Variants in GPR158 observed in about 807,000 individuals in gnomAD.
GPR158 encodes the protein G protein-coupled receptor 158, also known as metabotropic glycine receptor.
A neutral mutation model predicts 78.2 loss-of-function variants in GPR158; 30 were observed. The observed-to-expected ratio is 0.38, with a 90% CI of 0.29 to 0.52. The LOEUF is 0.52. Ranked by LOEUF, GPR158 falls within the 20% of genes least tolerant of loss-of-function variation. The pLI is 0.83. For synonymous variants in GPR158, 581 were observed against 591.1 expected, an observed-to-expected ratio of 0.98 and a Z score of 0.25; for missense variants, 1,463 against 1,523.5, an observed-to-expected ratio of 0.96 and a Z score of 0.66.
intron 4 of GPR158, among the ~76,000 whole-genome samples, chr10:25,444,037 A>G (rs11014562): frequency 0.11 from 16,891 of 152,002 alleles, 1,005 homozygotes; most frequent in Non-Finnish European, 0.12. Context: ...TGTGCTTTGT[A>G]AATGGCATCC....
rs1372693517 is a variant in GPR158, at chr10:25,395,781, A to T, written c.1009-130A>T. ...TGGCACAACAAAACTGAAAAGTTCA[A>T]AAAAGAGCTATTTTATTTCTGGAAA... On this transcript the variant is annotated intron_variant, in intron 2 of 10. Transcript: ENST00000376351. 8 of 521,270 alleles carry T rather than the reference A, an allele frequency of 1.5e-5. No homozygotes were observed. In the African/African-American group the frequency reaches 1.6e-4, roughly 10 times the overall value. 32.3% of individuals were successfully genotyped at this position (521,270 alleles called of 1,614,324 possible). A position where few individuals can be genotyped will look rare whatever the true frequency, so the allele number is the denominator to read the frequency against.
At chr10:25,332,773 T>C (rs962130416) in intron 2 of GPR158, among the ~76,000 whole-genome samples, 4 of 152,222 alleles carry the variant, frequency 2.6e-5, no homozygotes, top group African/African-American at 9.6e-5. Flanking sequence ...TTAGGATCTC[T>C]CGTTATAACT....
intron 2 of GPR158, among the ~76,000 whole-genome samples, chr10:25,235,147 T>G (rs1221608182): frequency 2.0e-5 from 3 of 152,214 alleles, no homozygotes; most frequent in Admixed American, 1.3e-4. Flanking sequence ...AATGAAATCC[T>G]ACATCTTTTC....
At chr10:25,214,544 T>C (rs2130674185) in intron 1 of GPR158, among the ~76,000 whole-genome samples, 1 of 152,226 alleles carries the variant, frequency 6.6e-6, no homozygotes, top group Non-Finnish European at 1.5e-5. Context: ...TTTCCACTAA[T>C]GTCCCTTTTT....
intron 2 of GPR158, among the ~76,000 whole-genome samples, chr10:25,253,762 G>C (rs1853849155): frequency 6.6e-6 from 1 of 152,072 alleles, no homozygotes; most frequent in Non-Finnish European, 1.5e-5. Flanking sequence ...AATGGTTCAT[G>C]ACTTGTTGAT....
chr10:25,370,682 G>C (rs1258968748), intron 2 of GPR158, among the ~76,000 whole-genome samples: 1 of 150,316 alleles, frequency 6.7e-6, no homozygotes, highest in South Asian at 2.1e-4. Context: ...TGTCTATTAG[G>C]TCCGCTTGAT....
Position 25,601,978 on chromosome 10 carries a change from C to T in GPR158, c.*2704C>T, listed in dbSNP as rs899396370. 2 of 152,506 alleles carry T rather than the reference C, an allele frequency of 1.3e-5. No homozygotes were observed. The highest frequency in any genetic ancestry group is 2.9e-5 in the Non-Finnish European group (2 of 68,016). The allele number at this position is 152,506 out of a possible 1,614,324, so 9.4% of individuals were successfully genotyped here. A position where few individuals can be genotyped will look rare whatever the true frequency, so the allele number is the denominator to read the frequency against. ...CTCGACAGTTCTCTTGTATTTGCTT[C>T]CTAGGTTTCTGCATGCAAGTTATGA... On this transcript the variant is annotated 3_prime_UTR_variant, in exon 11 of 11. Coordinates refer to ENST00000376351, the MANE Select transcript of GPR158 (RefSeq NM_020752.3).
intron 9 of GPR158, 117 bp from the exon 10 acceptor site, chr10:25,596,526 G>C: frequency 1.5e-6 from 1 of 668,620 alleles, no homozygotes; most frequent in East Asian, 2.9e-5. Context: ...TAGATAGATA[G>C]ATAGATCTAG....
chr10:25,281,093 C>T (rs1426926241), intron 2 of GPR158, among the ~76,000 whole-genome samples: 2 of 150,366 alleles, frequency 1.3e-5, no homozygotes, highest in African/African-American at 4.9e-5. Flanking sequence ...CAAGATTACA[C>T]CACTATACTC....
At chr10:25,384,558 C>CTA (rs1478228233) in intron 2 of GPR158, among the ~76,000 whole-genome samples, 9 of 152,014 alleles carry the variant, frequency 5.9e-5, no homozygotes, top group Non-Finnish European at 1.3e-4. Context: ...TTTAAAAAGG[C>CTA]ATTTAAAGAT....
chr10:25,599,527 A>C lies in GPR158; in HGVS notation c.*253A>C, dbSNP rs1837464175. 1 of 466,244 alleles carries C rather than the reference A, an allele frequency of 2.1e-6. No homozygotes were observed. The highest frequency in any genetic ancestry group is 3.7e-5 in the Admixed American group (1 of 26,726). The allele number at this position is 466,244 out of a possible 1,614,324, so 28.9% of individuals were successfully genotyped here. On this transcript the variant is annotated 3_prime_UTR_variant, in exon 11 of 11. Transcript: ENST00000376351. ...AAAATCTTTCCATTTCAGCATGTTT[A>C]AGGAAAATAGCCCACAATGTCTGCC...
At chr10:25,341,832 GA>G (rs151007147) in intron 2 of GPR158, among the ~76,000 whole-genome samples, 5 of 147,434 alleles carry the variant, frequency 3.4e-5, no homozygotes, top group African/African-American at 1.3e-4. Flanking sequence ...TATGTATTCT[GA>G]AAAAAAACAA....
At chr10:25,368,434 A>G (rs1406186866) in intron 2 of GPR158, among the ~76,000 whole-genome samples, 1 of 151,916 alleles carries the variant, frequency 6.6e-6, no homozygotes, top group Non-Finnish European at 1.5e-5. Context: ...AGACATGAAT[A>G]AACACTTTTC....
At chr10:25,377,833 G>A (rs920593181) in intron 2 of GPR158, among the ~76,000 whole-genome samples, 1 of 151,956 alleles carries the variant, frequency 6.6e-6, no homozygotes, top group Non-Finnish European at 1.5e-5. Context: ...ATGCTACTAT[G>A]AAAATTTTTG....
intron 2 of GPR158, among the ~76,000 whole-genome samples, chr10:25,338,841 A>G (rs1359017925): frequency 1.3e-5 from 2 of 151,264 alleles, no homozygotes; most frequent in Non-Finnish European, 2.9e-5. Context: ...CATTTAATCT[A>G]TACAATAATG....
chr10:25,526,311 T>C (rs1228183051), intron 5 of GPR158, among the ~76,000 whole-genome samples: 1 of 152,152 alleles, frequency 6.6e-6, no homozygotes, highest in Non-Finnish European at 1.5e-5. Context: ...GGTAGGGGGC[T>C]ACATTACCTA....
chr10:25,595,690 AAACATAAAGTAGAT>A (rs1171655827), intron 9 of GPR158, among the ~76,000 whole-genome samples: 1 of 152,214 alleles, frequency 6.6e-6, no homozygotes, highest in African/African-American at 2.4e-5. Context: ...AAATCTATAG[AAACATAAAGTAGAT>A]TAGTGTTTGT....
At chr10:25,300,427 C>T (rs1484883412) in intron 2 of GPR158, among the ~76,000 whole-genome samples, 2 of 152,118 alleles carry the variant, frequency 1.3e-5, no homozygotes, top group South Asian at 2.1e-4. Context: ...AATCAGGTTA[C>T]TCTCTCTATT....
intron 8 of GPR158, among the ~76,000 whole-genome samples, chr10:25,591,448 T>A (rs1236596351): frequency 2.0e-5 from 3 of 152,142 alleles, no homozygotes; most frequent in Non-Finnish European, 4.4e-5. Context: ...CCCAAGCAAC[T>A]CATTGGCCCA....
Sources: gnomAD v4.1 joint callset for allele counts (sites outside exome capture counted in the v4.1 genomes callset) on GRCh38, gnomAD v4.1.1 for gene constraint, MANE v1.5 for transcripts, NCBI Gene and HGNC (gene_info 2026-07-23, HGNC 2026-07-21) for gene names.